The following TOX3 variants were observed in gnomAD, a reference collection of about 807,000 sequenced individuals.
TOX3 encodes the protein CAG trinucleotide repeat-containing gene F9 protein.
Under a neutral mutation model 64.3 loss-of-function variants are expected in TOX3, and 22 were observed. The observed-to-expected ratio is 0.34, with a 90% CI of 0.24 to 0.49. The LOEUF (loss-of-function observed/expected upper bound fraction) is 0.49, where lower values mean the gene tolerates loss of function less well. TOX3 is among the 20% of genes least tolerant of loss of function. TOX3 has a pLI of 0.99. For missense variants in TOX3, 661 were observed against 714.4 expected, an observed-to-expected ratio of 0.93 and a Z score of 0.85; for synonymous variants, 291 against 273.6, an observed-to-expected ratio of 1.06 and a Z score of -0.63.
At chr16:52,470,898 G>A (rs1961022899) in intron 1 of TOX3, among the ~76,000 whole-genome samples, 1 of 152,138 alleles carries the variant, frequency 6.6e-6, no homozygotes, top group South Asian at 2.1e-4. Context: ...TGATCAGGCG[G>A]GAACAGTTAT....
chr16:52,519,463 G>A, intron 1 of TOX3: 1 of 1,551,484 alleles, frequency 6.4e-7, no homozygotes, highest in Non-Finnish European at 8.7e-7. Flanking sequence ...TGGCTCCCGA[G>A]CGAGGTTGGC....
In TOX3 at chr16:52,546,648, C is replaced by T. The variant is rs377611579; in HGVS notation, c.76G>A (p.Gly26Ser). Residue 26 changes from glycine to serine, a missense_variant, in exon 1 of 7, where the codon GGC becomes AGC. Physicochemically the swap from Gly to Ser is moderately conservative, Grantham distance 56 (BLOSUM62 0). Coordinates refer to ENST00000219746, the MANE Select transcript of TOX3 (RefSeq NM_001080430.4). ...CCCAGCCCGGTCACCTTGCTGTAGC[C>T]GTAGTACCCCAGGCACTGCGCGAAG... ...LDFAQCLGYYGYSKFGNNNNY... is the reference protein window; with the variant it reads ...LDFAQCLGYYSYSKFGNNNNY... 4.5e-6 allele frequency: 7 copies of T among 1,541,086 alleles called. No individual in the cohort carries two copies. Among genetic ancestry groups the T allele is most frequent in the Admixed American group, 2.0e-5 (1 of 51,080 alleles).
At chr16:52,467,178 A>T in intron 2 of TOX3, among the ~76,000 whole-genome samples, 1 of 152,204 alleles carries the variant, frequency 6.6e-6, no homozygotes, top group Non-Finnish European at 1.5e-5. Context: ...TGACACGGTG[A>T]ATTATCACAG....
intron 3 of TOX3, among the ~76,000 whole-genome samples, chr16:52,461,809 T>C (rs1461995150): frequency 6.6e-6 from 1 of 152,070 alleles, no homozygotes; most frequent in Non-Finnish European, 1.5e-5. Context: ...TTCTGTGGAG[T>C]GTTATGATGT....
At chr16:52,524,923 T>C (rs538224858) in intron 1 of TOX3, among the ~76,000 whole-genome samples, 2 of 151,808 alleles carry the variant, frequency 1.3e-5, no homozygotes, top group Non-Finnish European at 2.9e-5. Context: ...TCTGTGATGG[T>C]AACCTCCCCA....
At chr16:52,484,946 T>C (rs1051972711) in intron 1 of TOX3, among the ~76,000 whole-genome samples, 20 of 152,024 alleles carry the variant, frequency 1.3e-4, no homozygotes, top group African/African-American at 4.8e-4. Flanking sequence ...ATACTTGTTA[T>C]GTTCATTGCA....
At chr16:52,468,679 A>C in intron 1 of TOX3, 105 bp from the exon 2 acceptor site, 4 of 843,322 alleles carry the variant, frequency 4.7e-6, no homozygotes, top group Non-Finnish European at 7.7e-6. Context: ...GAGTTTTATC[A>C]GCCCAAATGC....
chr16:52,517,845 C>G (rs1962498231), intron 1 of TOX3, among the ~76,000 whole-genome samples: 1 of 152,184 alleles, frequency 6.6e-6, no homozygotes. Context: ...TCTCTGATCT[C>G]TCTCCCAAAC....
intron 3 of TOX3, among the ~76,000 whole-genome samples, chr16:52,459,593 C>T (rs933706473): frequency 2.6e-5 from 4 of 152,042 alleles, no homozygotes; most frequent in East Asian, 1.9e-4. Context: ...TGCTTGTCCC[C>T]CCATGGCTAA....
intron 1 of TOX3, among the ~76,000 whole-genome samples, chr16:52,503,289 C>T (rs967517483): frequency 1.3e-5 from 2 of 152,232 alleles, no homozygotes; most frequent in African/African-American, 4.8e-5. Flanking sequence ...GGGAAACTGA[C>T]CTGCCATCTC....
chr16:52,506,750 T>TA (rs1461190181), intron 1 of TOX3, among the ~76,000 whole-genome samples: 1 of 152,184 alleles, frequency 6.6e-6, no homozygotes, highest in Non-Finnish European at 1.5e-5. Flanking sequence ...ATATCACCTA[T>TA]AATTACATTA....
intron 1 of TOX3, among the ~76,000 whole-genome samples, chr16:52,471,887 C>T (rs112799483): frequency 2.4e-4 from 36 of 152,228 alleles, no homozygotes; most frequent in African/African-American, 7.0e-4. Flanking sequence ...AGTAACTTGC[C>T]GAAGGTTATA....
Position 52,439,431 on chromosome 16 carries a change from G to C in TOX3, c.1525C>G (p.Gln509Glu), listed in dbSNP as rs1291384563. 6 of 1,530,486 alleles carry C rather than the reference G, an allele frequency of 3.9e-6. No homozygotes were observed. The highest frequency in any genetic ancestry group is 2.0e-5 in the Admixed American group (1 of 51,162). 94.8% of individuals were successfully genotyped at this position (1,530,486 alleles called of 1,614,324 possible). The stretch of plus-strand genomic sequence containing the variant: ...TGCAGCTGGAGGCGCTGCTGCAGCT[G>C]CTGCTGCAGCTGCTGTTGATTAATT... ...QQINQQQLQQ[Q>E]LQQRLQLQQL... The change falls in exon 7 of 7, where the codon CAG (glutamine) becomes GAG (glutamate). Residue 509 changes from glutamine (Q) to glutamate (E), a missense_variant. By Grantham distance (29) the Gln-to-Glu change is conservative. This residue lies in a region of TOX3 where 299 missense variants were observed against 292.1 expected (regional missense o/e 1.02). Transcript: ENST00000219746.
chr16:52,543,230 C>T (rs8052175), intron 1 of TOX3, among the ~76,000 whole-genome samples: 76,189 of 151,896 alleles, frequency 0.5, 19,422 homozygotes, highest in East Asian at 0.63. Flanking sequence ...ATCTGAAATG[C>T]TTAGATCTAG....
chr16:52,542,151 A>G (rs745858819), intron 1 of TOX3, among the ~76,000 whole-genome samples: 9 of 152,186 alleles, frequency 5.9e-5, no homozygotes, highest in Non-Finnish European at 1.2e-4. Flanking sequence ...CCAAGGTTCT[A>G]AAAAGGCCCT....
In TOX3 at chr16:52,546,810, G is replaced by A; in HGVS notation, c.-87C>T. On this transcript the variant is annotated 5_prime_UTR_variant, in exon 1 of 7. Transcript: ENST00000219746. ...CCTCGCCGCCGCTAGATCCACCGTC[G>A]AGGGCGCCCGGGGGTGGCGCGTGGG... is the stretch of plus-strand genomic sequence containing the variant. 1.5e-6 allele frequency: 2 copies of A among 1,320,454 alleles called. No homozygotes were observed. The highest frequency in any genetic ancestry group is 3.2e-5 in the East Asian group (1 of 31,446). 81.8% of individuals were successfully genotyped at this position (1,320,454 alleles called of 1,614,324 possible). A position where few individuals can be genotyped will look rare whatever the true frequency, so the allele number is the denominator to read the frequency against.
chr16:52,513,913 A>G (rs530701039), intron 1 of TOX3, among the ~76,000 whole-genome samples: 1 of 152,322 alleles, frequency 6.6e-6, no homozygotes, highest in South Asian at 2.1e-4. Flanking sequence ...AAGTTTCTCA[A>G]CCATAATGGA....
intron 1 of TOX3, among the ~76,000 whole-genome samples, chr16:52,537,580 C>T (rs1403407527): frequency 6.6e-6 from 1 of 152,168 alleles, no homozygotes; most frequent in Non-Finnish European, 1.5e-5. Context: ...ATCCTACACC[C>T]ACATTCTCTC....
intron 1 of TOX3, among the ~76,000 whole-genome samples, chr16:52,536,029 C>T (rs1962937676): frequency 6.6e-6 from 1 of 152,174 alleles, no homozygotes; most frequent in Non-Finnish European, 1.5e-5. Flanking sequence ...AAACTACAAC[C>T]AGATCTTCTG....
Sources: gnomAD v4.1 joint callset for allele counts (sites outside exome capture counted in the v4.1 genomes callset) on GRCh38, gnomAD v4.1.1 for gene constraint, gnomAD v4.1.1 regional missense constraint, MANE v1.5 for transcripts, NCBI Gene and HGNC (gene_info 2026-07-23, HGNC 2026-07-21) for gene names.